Variants in NOVA1 observed in about 807,000 individuals in gnomAD.
NOVA1 encodes NOVA alternative splicing regulator 1, also known as RNA-binding protein Nova-1.
NOVA1 carries 7 observed loss-of-function variants against 38.0 expected under a neutral mutation model. The observed-to-expected ratio is 0.18, with a 90% CI of 0.10 to 0.35. The LOEUF (loss-of-function observed/expected upper bound fraction) is 0.35. Among genes scored for constraint, NOVA1 ranks in the 10% least tolerant of loss-of-function variants. The pLI, the probability that NOVA1 is intolerant of heterozygous loss-of-function variation, is 1.00. For synonymous variants in NOVA1, 270 were observed against 232.5 expected, an observed-to-expected ratio of 1.16 and a Z score of -1.47; for missense variants, 460 against 616.0, an observed-to-expected ratio of 0.75 and a Z score of 2.68.
At chr14:26,589,506 T>A (rs1325666798) in intron 2 of NOVA1, among the ~76,000 whole-genome samples, 2 of 151,794 alleles carry the variant, frequency 1.3e-5, no homozygotes, top group Non-Finnish European at 1.5e-5. Flanking sequence ...ACACCTGTCC[T>A]GTTTGTTGGA....
chr14:26,521,838 A>G (rs1417054210), intron 2 of NOVA1, among the ~76,000 whole-genome samples: 2 of 152,090 alleles, frequency 1.3e-5, no homozygotes, highest in African/African-American at 2.4e-5. Flanking sequence ...GAGAAAATAA[A>G]TTTCTGCAAT....
At chr14:26,580,807 C>T (rs1893168304) in intron 2 of NOVA1, among the ~76,000 whole-genome samples, 1 of 151,636 alleles carries the variant, frequency 6.6e-6, no homozygotes, top group South Asian at 2.1e-4. Context: ...ATTTTTACAA[C>T]AATTATGAAA....
intron 2 of NOVA1, among the ~76,000 whole-genome samples, chr14:26,523,527 C>T (rs138480425): frequency 5.3e-5 from 8 of 152,248 alleles, no homozygotes; most frequent in African/African-American, 1.9e-4. Flanking sequence ...TACAGTGTCA[C>T]TAAGATTGAG....
At chr14:26,473,200 A>C (rs1017599466) in intron 3 of NOVA1, among the ~76,000 whole-genome samples, 1 of 151,298 alleles carries the variant, frequency 6.6e-6, no homozygotes, top group African/African-American at 2.4e-5. Flanking sequence ...TACACTTACT[A>C]TATATATATA....
intron 2 of NOVA1, among the ~76,000 whole-genome samples, chr14:26,571,898 T>C (rs1892503499): frequency 1.3e-5 from 2 of 152,146 alleles, no homozygotes; most frequent in African/African-American, 4.8e-5. Context: ...GAGAGAGACA[T>C]CTTAGAAATC....
intron 2 of NOVA1, chr14:26,519,431 G>T: frequency 6.6e-6 from 1 of 152,228 alleles, no homozygotes; most frequent in South Asian, 2.1e-4. Flanking sequence ...ACTAAGAATA[G>T]GTAGAGTAGG....
intron 2 of NOVA1, among the ~76,000 whole-genome samples, chr14:26,484,426 T>C (rs1322362068): frequency 1.5e-5 from 1 of 67,422 alleles, no homozygotes; most frequent in African/African-American, 6.7e-5. Context: ...AGACTCCGTC[T>C]CGAAAAAAAA....
At chr14:26,596,027 A>G in intron 1 of NOVA1, 1 of 286,790 alleles carries the variant, frequency 3.5e-6, no homozygotes, top group Non-Finnish European at 6.8e-6. Flanking sequence ...CATAAGGACT[A>G]CAATTAGCCA....
rs369671287 is a variant in NOVA1 at position 26,588,970 on chromosome 14, G to GA, written c.280+6439dup. Among the ~76,000 whole-genome samples the GA allele has an allele frequency of 1.4e-3, 206 of 150,474 alleles. 1 individual carries two copies. Among genetic ancestry groups the GA allele is most frequent in the African/African-American group, 4.5e-3 (187 of 41,158 alleles). On this transcript the variant is annotated intron_variant, in intron 2 of 4. Coordinates refer to ENST00000539517, the MANE Select transcript of NOVA1 (RefSeq NM_002515.3). ...CCAATACTGGTAAATATTCCTTCAG[G>GA]AAAAATACATAGTTTACAAAACAAA...
Position 26,448,136 on chromosome 14 carries a change from C to T in NOVA1, c.1347G>A (p.Glu449=), listed in dbSNP as rs1456617769. The T allele has an allele frequency of 4.3e-6, 7 of 1,614,088 alleles. No homozygotes were observed. The highest frequency in any genetic ancestry group is 5.1e-6 in the Non-Finnish European group (6 of 1,180,044). Residue 449 remains glutamate, a synonymous_variant, in exon 5 of 5, where the codon GAG becomes GAA. Transcript: ENST00000539517. This position sits in a 1 kb window ranked among gnomAD's most constrained non-coding sequence, Gnocchi z 5.3. ...AGATCTGTATCCTTGCACCAGTCAACTCCTGGTATTCCACTAATGTTTTCC... is the reference window on the plus strand; with the variant it reads ...AGATCTGTATCCTTGCACCAGTCAATTCCTGGTATTCCACTAATGTTTTCC... The part of the protein sequence containing the change: ...KGGKTLVEYQ[E]LTGARIQISK...
At chr14:26,563,419 C>A in intron 2 of NOVA1, among the ~76,000 whole-genome samples, 1 of 147,316 alleles carries the variant, frequency 6.8e-6, no homozygotes, top group East Asian at 2.0e-4. Flanking sequence ...CTGAAACATT[C>A]AATGAAAGAA....
At chr14:26,453,465 CAATAT>C (rs1373168779) in intron 4 of NOVA1, among the ~76,000 whole-genome samples, 1 of 151,938 alleles carries the variant, frequency 6.6e-6, no homozygotes, top group Admixed American at 6.6e-5. Context: ...ATAAGATTAA[CAATAT>C]AATTATACTA....
chr14:26,492,237 A>C (rs1456794711), intron 2 of NOVA1, among the ~76,000 whole-genome samples: 2 of 152,132 alleles, frequency 1.3e-5, no homozygotes, highest in African/African-American at 4.8e-5. Flanking sequence ...AACTTTGCTT[A>C]ATTTATTAGC....
intron 4 of NOVA1, among the ~76,000 whole-genome samples, chr14:26,455,188 T>C (rs1388870870): frequency 1.3e-5 from 2 of 152,136 alleles, no homozygotes; most frequent in Non-Finnish European, 2.9e-5. Context: ...TAAAATACCA[T>C]GCCACCTTGT....
intron 2 of NOVA1, among the ~76,000 whole-genome samples, chr14:26,522,257 T>C (rs1888953371): frequency 6.6e-6 from 1 of 152,158 alleles, no homozygotes; most frequent in Admixed American, 6.5e-5. Context: ...ACTGCACAGA[T>C]AAATGGATTT....
At chr14:26,451,279 A>G (rs1295064993) in intron 4 of NOVA1, among the ~76,000 whole-genome samples, 1 of 152,138 alleles carries the variant, frequency 6.6e-6, no homozygotes, top group Non-Finnish European at 1.5e-5. Context: ...TTGCACTTAC[A>G]TTATTGAACA....
At chr14:26,543,974 A>G (rs1890631310) in intron 2 of NOVA1, among the ~76,000 whole-genome samples, 1 of 151,990 alleles carries the variant, frequency 6.6e-6, no homozygotes, top group Non-Finnish European at 1.5e-5. Flanking sequence ...TGATGCACTC[A>G]GAATTTAGTC....
rs140128955 is a variant in NOVA1 at position 26,553,679 on chromosome 14, G to A, written c.280+41731C>T. 4.4e-3 allele frequency among the ~76,000 whole-genome samples: 676 copies of A among 152,208 alleles called. 6 individuals carry two copies. The highest frequency in any genetic ancestry group is 0.015 in the African/African-American group (643 of 41,530). On this transcript the variant is annotated intron_variant, in intron 2 of 4. Coordinates refer to ENST00000539517, the MANE Select transcript of NOVA1 (RefSeq NM_002515.3). ...TGGACTTGAGCCTCCAGTTGATGGG[G>A]ACTCAAGCAGCCAGAGGCTATGAAT...
intron 4 of NOVA1, among the ~76,000 whole-genome samples, chr14:26,453,918 C>A (rs1882938166): frequency 1.3e-5 from 2 of 152,096 alleles, no homozygotes; most frequent in African/African-American, 4.8e-5. Context: ...CAGTGGATAC[C>A]TGTTATTTTA....
Sources: gnomAD v4.1 joint callset for allele counts (sites outside exome capture counted in the v4.1 genomes callset) on GRCh38, gnomAD v4.1.1 for gene constraint, Gnocchi (gnomAD v3.1) non-coding constraint, MANE v1.5 for transcripts, NCBI Gene and HGNC (gene_info 2026-07-23, HGNC 2026-07-21) for gene names.